GNA14: variants seen among roughly 807,000 people sequenced by gnomAD.
GNA14 encodes G protein subunit alpha 14.
A neutral mutation model predicts 42.0 loss-of-function variants in GNA14; 50 were observed. The observed-to-expected ratio is 1.19, with a 90% CI of 0.95 to 1.51. The LOEUF is 1.51. Ranked by LOEUF, GNA14 falls within the 40% of genes most tolerant of loss-of-function variation. The pLI, the probability that GNA14 is intolerant of heterozygous loss-of-function variation, is 0.00. For synonymous variants in GNA14, 173 were observed against 163.1 expected (o/e 1.06, Z -0.46); for missense variants, 473 against 446.2 (o/e 1.06, Z -0.54).
intron 1 of GNA14, among the ~76,000 whole-genome samples, chr9:77,571,991 T>C (rs1823067818): frequency 6.6e-6 from 1 of 152,168 alleles, no homozygotes; most frequent in Admixed American, 6.5e-5. Context: ...ATTTACATTG[T>C]GTAAATGTTG....
intron 2 of GNA14, among the ~76,000 whole-genome samples, chr9:77,445,552 G>GAAAAAAA (rs762651584): frequency 1.8e-5 from 1 of 55,946 alleles, no homozygotes; most frequent in Non-Finnish European, 4.1e-5. Context: ...TCTCTAAGAA[G>GAAAAAAA]AAAAAAAAAA....
chr9:77,644,437 C>CAAAAAAAAAAAAAAAAAAAAAA (rs764737417), intron 1 of GNA14, among the ~76,000 whole-genome samples: 9 of 34,022 alleles, frequency 2.6e-4, no homozygotes, highest in East Asian at 1.3e-3. Flanking sequence ...TAAAGAGTGT[C>CAAAAAAAAAAAAAAAAAAAAAA]AAAAAAAAAA....
chr9:77,506,514 T>C (rs901565317), intron 2 of GNA14, among the ~76,000 whole-genome samples: 2 of 151,786 alleles, frequency 1.3e-5, no homozygotes, highest in African/African-American at 4.8e-5. Flanking sequence ...ACATCTCTAC[T>C]AAAAATACAA....
At chr9:77,605,018 C>T (rs1011392946) in intron 1 of GNA14, among the ~76,000 whole-genome samples, 12 of 152,196 alleles carry the variant, frequency 7.9e-5, no homozygotes, top group Admixed American at 7.9e-4. Context: ...AATTTACCTC[C>T]GAATAGCAGA....
At chr9:77,646,750 A>C (rs1824358972) in intron 1 of GNA14, among the ~76,000 whole-genome samples, 1 of 152,262 alleles carries the variant, frequency 6.6e-6, no homozygotes, top group Non-Finnish European at 1.5e-5. Flanking sequence ...AGAAAAGGTA[A>C]AATATTCCTC....
At chr9:77,551,930 A>T (rs899644894) in intron 1 of GNA14, among the ~76,000 whole-genome samples, 1 of 151,800 alleles carries the variant, frequency 6.6e-6, no homozygotes, top group Non-Finnish European at 1.5e-5. Flanking sequence ...ACCTGAGGTC[A>T]GGAGTTCGAG....
intron 2 of GNA14, among the ~76,000 whole-genome samples, chr9:77,457,077 GCTTA>G (rs1456162436): frequency 6.6e-6 from 1 of 152,188 alleles, no homozygotes; most frequent in Non-Finnish European, 1.5e-5. Context: ...GACCCAGGGT[GCTTA>G]CTTTATACCT....
At chr9:77,447,948 T>C (rs1444812118) in intron 2 of GNA14, among the ~76,000 whole-genome samples, 1 of 152,226 alleles carries the variant, frequency 6.6e-6, no homozygotes, top group African/African-American at 2.4e-5. Flanking sequence ...GCATGCTGTC[T>C]ACCACTCACA....
chr9:77,482,091 TATG>T (rs1484967587), intron 2 of GNA14, among the ~76,000 whole-genome samples: 6 of 152,206 alleles, frequency 3.9e-5, no homozygotes, highest in African/African-American at 1.4e-4. Flanking sequence ...GTCCTGTCAT[TATG>T]ATGTTAGTTG....
intron 1 of GNA14, among the ~76,000 whole-genome samples, chr9:77,641,110 A>G (rs1264293634): frequency 1.7e-3 from 5 of 2,858 alleles, no homozygotes; most frequent in Non-Finnish European, 3.1e-3. Context: ...GGAAGGAAGG[A>G]AGGAAGGAAG....
intron 1 of GNA14, among the ~76,000 whole-genome samples, chr9:77,592,001 G>A (rs1376116030): frequency 8.7e-5 from 13 of 149,382 alleles, no homozygotes; most frequent in African/African-American, 2.5e-4. Flanking sequence ...TGCAAGCTCC[G>A]CTTCCCGGGT....
intron 1 of GNA14, among the ~76,000 whole-genome samples, chr9:77,595,308 T>C (rs908278334): frequency 2.0e-5 from 3 of 152,196 alleles, no homozygotes; most frequent in African/African-American, 7.2e-5. Context: ...TAAATGGGAA[T>C]GTGCCTGCTC....
intron 1 of GNA14, among the ~76,000 whole-genome samples, chr9:77,563,679 A>AT (rs778237120): frequency 5.3e-5 from 8 of 151,788 alleles, no homozygotes; most frequent in Middle Eastern, 3.4e-3. Context: ...TTTAAACAAG[A>AT]TTTTTTTTTC....
At chr9:77,470,521 A>C (rs80230080) in intron 2 of GNA14, among the ~76,000 whole-genome samples, 4,650 of 152,278 alleles carry the variant, frequency 0.031, 245 homozygotes, top group African/African-American at 0.1. Flanking sequence ...GGGTATTAAC[A>C]TATCCACAAA....
At chr9:77,428,783 C>T in intron 5 of GNA14, 124 bp downstream of exon 5, 4 of 955,206 alleles carry the variant, frequency 4.2e-6, no homozygotes, top group Non-Finnish European at 6.4e-6. Flanking sequence ...CCACAGGTCA[C>T]ACTTTGAGTA....
At position 77,428,816 on chromosome 9, in the gene GNA14, C is replaced by T. The variant is rs564739486; in HGVS notation, c.723+91G>A. On this transcript the variant is annotated intron_variant, in intron 5 of 6. Coordinates refer to ENST00000341700, the MANE Select transcript of GNA14 (RefSeq NM_004297.4). ...GTAGCAAGACTGTTTGACCTAATGA[C>T]GAGGGTCTATTTCCTGACCCGGCTG... is the stretch of plus-strand genomic sequence containing the variant. The T allele has an allele frequency of 4.1e-5, 53 of 1,281,730 alleles. No individual in the cohort carries two copies. In the East Asian group the frequency reaches 5.4e-4, roughly 13 times the overall value. 79.4% of individuals were successfully genotyped at this position (1,281,730 alleles called of 1,614,324 possible). A position where few individuals can be genotyped will look rare whatever the true frequency, so the allele number is the denominator to read the frequency against.
At chr9:77,559,372 G>A (rs778511998) in intron 1 of GNA14, among the ~76,000 whole-genome samples, 4 of 152,168 alleles carry the variant, frequency 2.6e-5, no homozygotes, top group Admixed American at 6.5e-5. Flanking sequence ...CAATAAAGGT[G>A]CAAGTGAGAT....
At position 77,546,037 on chromosome 9, in the gene GNA14, G is replaced by A. The variant is rs546522127; in HGVS notation, c.125-16784C>T. Among the ~76,000 whole-genome samples the A allele has an allele frequency of 1.3e-3, 191 of 151,950 alleles. 1 individual carries two copies. Among genetic ancestry groups the A allele is most frequent in the African/African-American group, 4.2e-3 (175 of 41,442 alleles). On this transcript the variant is annotated intron_variant, in intron 1 of 6. Coordinates refer to ENST00000341700, the MANE Select transcript of GNA14 (RefSeq NM_004297.4). ...TCGAGACCAGCCTGGCCAACACAGCGAAACCCCGTCTCTAACTAAATATAC... is the reference window on the plus strand; with the variant it reads ...TCGAGACCAGCCTGGCCAACACAGCAAAACCCCGTCTCTAACTAAATATAC...
intron 1 of GNA14, among the ~76,000 whole-genome samples, chr9:77,617,950 C>A (rs1455719317): frequency 6.6e-6 from 1 of 152,098 alleles, no homozygotes; most frequent in East Asian, 1.9e-4. Context: ...CCAGCCTCCA[C>A]TCTCTAATCT....
Sources: allele counts gnomAD v4.1 joint callset (sites outside exome capture counted in the v4.1 genomes callset), GRCh38; gene constraint gnomAD v4.1.1; transcripts MANE v1.5; gene names NCBI Gene and HGNC (gene_info 2026-07-23, HGNC 2026-07-21).